MTCL1: variants seen among roughly 807,000 people sequenced by gnomAD.
The protein encoded by MTCL1 is microtubule crosslinking factor 1.
Under a neutral mutation model 141.4 loss-of-function variants are expected in MTCL1, and 79 were observed. The observed-to-expected ratio is 0.56, with a 90% CI of 0.47 to 0.67. The LOEUF is 0.67. MTCL1 is among the 30% of genes least tolerant of loss of function. The probability of loss-of-function intolerance (pLI) is 0.00; values close to 1 mark genes in which losing one functional copy is unlikely to be tolerated. For missense variants in MTCL1, 2,177 were observed against 2,113.9 expected, an observed-to-expected ratio of 1.03 and a Z score of -0.59; for synonymous variants, 914 against 875.8, an observed-to-expected ratio of 1.04 and a Z score of -0.77.
upstream of MTCL1, among the ~76,000 whole-genome samples, chr18:8,713,025 A>G (rs1468269763): frequency 2.0e-5 from 3 of 152,298 alleles, no homozygotes; most frequent in South Asian, 2.1e-4. Flanking sequence ...TTTGACTTTT[A>G]TTATATATTC....
At chr18:8,789,700 T>C (rs2075651473) in intron 7 of MTCL1, 1 of 985,410 alleles carries the variant, frequency 1.0e-6, no homozygotes. Flanking sequence ...CAAGATGAAT[T>C]TGATGTATAA....
intron 10 of MTCL1, among the ~76,000 whole-genome samples, chr18:8,803,969 C>T (rs1031188248): frequency 9.2e-5 from 14 of 152,060 alleles, no homozygotes; most frequent in East Asian, 3.8e-4. Flanking sequence ...AGAAAACCAT[C>T]GATTACATAT....
intron 10 of MTCL1, among the ~76,000 whole-genome samples, chr18:8,805,617 C>T (rs2076273919): frequency 6.6e-6 from 1 of 151,890 alleles, no homozygotes; most frequent in Non-Finnish European, 1.5e-5. Context: ...AGGAGGGGTC[C>T]CAGTGTACTT....
In MTCL1 at chr18:8,827,881, G is replaced by A. The variant is rs74606936; in HGVS notation, c.4723-1027G>A. 1.3e-4 allele frequency among the ~76,000 whole-genome samples: 20 copies of A among 152,216 alleles called. No individual in the cohort carries two copies. In the East Asian group the frequency reaches 2.9e-3, roughly 22 times the overall value. On this transcript the variant is annotated intron_variant, in intron 15 of 16. Transcript: ENST00000359865. ...AACGGTTTTATCAGTACAAAGTGGCGCCCAACCCCTTTTGTCCTCCGTAAA... is the reference window on the plus strand; with the variant it reads ...AACGGTTTTATCAGTACAAAGTGGCACCCAACCCCTTTTGTCCTCCGTAAA...
chr18:8,735,885 G>A (rs1186367643), intron 4 of MTCL1, among the ~76,000 whole-genome samples: 1 of 152,130 alleles, frequency 6.6e-6, no homozygotes, highest in African/African-American at 2.4e-5. Flanking sequence ...ATTGACTGTA[G>A]GGGACAGAAC....
At chr18:8,809,680 C>A in intron 11 of MTCL1, 1 of 1,446,394 alleles carries the variant, frequency 6.9e-7, no homozygotes, top group Non-Finnish European at 9.2e-7. Context: ...CATGAGACGC[C>A]GTGGAGCAAC....
chr18:8,726,526 AGCGAGTGCGCATGCGCGC>A (rs371900336), intron 4 of MTCL1, among the ~76,000 whole-genome samples: 8,052 of 119,872 alleles, frequency 0.067, 713 homozygotes, highest in African/African-American at 0.23. Context: ...AGCGAGAGAG[AGCGAGTGCGCATGCGCGC>A]GCGCAACAAG....
At chr18:8,706,562 A>G (rs772211140) in exon 1 of MTCL1, 3 of 1,412,432 alleles carry the variant, frequency 2.1e-6, no homozygotes, top group Non-Finnish European at 2.8e-6. Flanking sequence ...GTGGCGGAGG[A>G]TGTCCGGGGG....
chr18:8,734,248 C>A (rs948445107), intron 4 of MTCL1, among the ~76,000 whole-genome samples: 2 of 151,988 alleles, frequency 1.3e-5, no homozygotes, highest in Admixed American at 1.3e-4. Flanking sequence ...CTCTTTTCCT[C>A]CTCCAACTCC....
chr18:8,715,645 TC>T (rs2096124094), upstream of MTCL1, among the ~76,000 whole-genome samples: 1 of 152,212 alleles, frequency 6.6e-6, no homozygotes, highest in Non-Finnish European at 1.5e-5. Flanking sequence ...CAAAGTCTGA[TC>T]CATTAGTTTC....
At chr18:8,738,734 G>A (rs1450987976) in intron 4 of MTCL1, among the ~76,000 whole-genome samples, 2 of 152,204 alleles carry the variant, frequency 1.3e-5, no homozygotes, top group African/African-American at 4.8e-5. Context: ...CTTTGAGAGT[G>A]GATAGGGAGG....
intron 4 of MTCL1, among the ~76,000 whole-genome samples, chr18:8,739,206 C>T (rs2096288975): frequency 6.6e-6 from 1 of 152,144 alleles, no homozygotes; most frequent in Non-Finnish European, 1.5e-5. Flanking sequence ...GATGATACCA[C>T]TGCACTCCAG....
chr18:8,784,267 C>T (rs139433913), exon 6 of MTCL1: 73 of 1,598,810 alleles, frequency 4.6e-5, no homozygotes, highest in Middle Eastern at 1.7e-4. Flanking sequence ...CCCGGGACAG[C>T]GATGCCGAGA....
intron 7 of MTCL1, among the ~76,000 whole-genome samples, chr18:8,790,759 A>C (rs183542273): frequency 6.6e-6 from 1 of 152,344 alleles, no homozygotes; most frequent in African/African-American, 2.4e-5. Context: ...TCACGCCTGT[A>C]ATCTCAGCAC....
At chr18:8,757,564 C>G (rs1484414497) in intron 4 of MTCL1, among the ~76,000 whole-genome samples, 1 of 152,222 alleles carries the variant, frequency 6.6e-6, no homozygotes, top group Non-Finnish European at 1.5e-5. Context: ...TCTGCTGTCA[C>G]TGACAATCAG....
chr18:8,802,548 A>G (rs990460012), intron 10 of MTCL1, among the ~76,000 whole-genome samples: 1 of 152,216 alleles, frequency 6.6e-6, no homozygotes, highest in Non-Finnish European at 1.5e-5. Context: ...CTTATCTACA[A>G]ACTTCCATTT....
chr18:8,714,918 T>C (rs1287218175), upstream of MTCL1, among the ~76,000 whole-genome samples: 1 of 152,040 alleles, frequency 6.6e-6, no homozygotes. Flanking sequence ...TGCCTCAGCC[T>C]CCCGAGTAGC....
rs928799208 is a variant in MTCL1, at chr18:8,710,478, T to C, written c.1053+3765T>C. Among the ~76,000 whole-genome samples the C allele has an allele frequency of 1.7e-4, 21 of 125,368 alleles. 1 individual carries two copies. In the South Asian group the frequency reaches 1.7e-3, roughly 10 times the overall value. 82.2% of individuals were successfully genotyped at this position (125,368 alleles called of 152,430 possible). ...CTTTCTTTTTTTTTTTTTTTTTTTT[T>C]CTCTTTAATTATGGTAAATATTTAA... On this transcript the variant is annotated intron_variant, in intron 1 of 13. Coordinates refer to the MTCL1 transcript ENST00000306329.
intron 1 of MTCL1, chr18:8,707,419 G>T (rs2096064251): frequency 6.6e-6 from 1 of 152,600 alleles, no homozygotes; most frequent in African/African-American, 2.4e-5. Flanking sequence ...CGCGGCGCCT[G>T]CTGCACTCTC....
Sources: allele counts gnomAD v4.1 joint callset (sites outside exome capture counted in the v4.1 genomes callset), GRCh38; gene constraint gnomAD v4.1.1; transcripts MANE v1.5; gene names NCBI Gene and HGNC (gene_info 2026-07-23, HGNC 2026-07-21).